Variants in MAGI1 observed in about 807,000 individuals in gnomAD.
MAGI1 encodes membrane associated guanylate kinase, WW and PDZ domain containing 1.
MAGI1 carries 58 observed loss-of-function variants against 139.9 expected under a neutral mutation model. The observed-to-expected ratio is 0.41, with a 90% CI of 0.34 to 0.52. MAGI1 has a LOEUF of 0.52. Among genes scored for constraint, MAGI1 ranks in the 20% least tolerant of loss-of-function variants. The pLI is 0.12. For missense variants in MAGI1, 1,874 were observed against 1,901.6 expected (o/e 0.99, Z 0.27); for synonymous variants, 812 against 737.9 (o/e 1.10, Z -1.63).
chr3:65,964,708 T>C (rs1403118383), intron 1 of MAGI1, among the ~76,000 whole-genome samples: 1 of 152,204 alleles, frequency 6.6e-6, no homozygotes, highest in Non-Finnish European at 1.5e-5. Context: ...GACAGATTTT[T>C]TGAGCAGCTG....
intron 5 of MAGI1, among the ~76,000 whole-genome samples, chr3:65,459,618 CT>C (rs1559572798): frequency 2.0e-5 from 3 of 152,140 alleles, no homozygotes; most frequent in African/African-American, 7.2e-5. Flanking sequence ...TTATCTTGAA[CT>C]ATAACCCTGG....
At chr3:65,857,352 G>T (rs1417157009) in intron 1 of MAGI1, among the ~76,000 whole-genome samples, 1 of 152,206 alleles carries the variant, frequency 6.6e-6, no homozygotes, top group Non-Finnish European at 1.5e-5. Flanking sequence ...CTTCACATTT[G>T]AAGAAGTTAA....
chr3:65,515,173 G>T (rs1406373555), intron 2 of MAGI1, among the ~76,000 whole-genome samples: 2 of 111,270 alleles, frequency 1.8e-5, no homozygotes, highest in East Asian at 3.3e-4. Context: ...GTGGGGGGAG[G>T]GGGGAGGGAT....
At chr3:65,503,690 T>C (rs2077171004) in intron 2 of MAGI1, among the ~76,000 whole-genome samples, 1 of 152,226 alleles carries the variant, frequency 6.6e-6, no homozygotes, top group South Asian at 2.1e-4. Flanking sequence ...AAACCACACC[T>C]ACAATACTTG....
intron 2 of MAGI1, among the ~76,000 whole-genome samples, chr3:65,494,610 C>A (rs775877125): frequency 6.6e-6 from 1 of 152,198 alleles, no homozygotes; most frequent in Non-Finnish European, 1.5e-5. Flanking sequence ...GGCATTATTA[C>A]CTGCGGTGGT....
chr3:65,580,701 A>T (rs1282868789), intron 2 of MAGI1, among the ~76,000 whole-genome samples: 1 of 152,208 alleles, frequency 6.6e-6, no homozygotes, highest in African/African-American at 2.4e-5. Context: ...GCAGATACCA[A>T]TCTTGGGCTA....
At chr3:65,959,035 T>G (rs2064278089) in intron 1 of MAGI1, among the ~76,000 whole-genome samples, 1 of 150,450 alleles carries the variant, frequency 6.6e-6, no homozygotes, top group African/African-American at 2.4e-5. Flanking sequence ...TTGTCCAGAG[T>G]AGAAAGAATT....
At position 65,359,144 on chromosome 3, in the gene MAGI1, G is replaced by C. The variant is rs770577938; in HGVS notation, c.3635-2012C>G. 6 of 1,613,586 alleles carry C rather than the reference G, an allele frequency of 3.7e-6. No homozygotes were observed. The South Asian group carries it at 4.4e-5, about 12-fold the overall frequency. ...CTCATACATGCAGCGATATTAGGAG[G>C]TATCATCGCTGTGGAAGGGAGGGCC... On this transcript the variant is annotated intron_variant, in intron 22 of 22. Coordinates refer to ENST00000402939, the MANE Select transcript of MAGI1 (RefSeq NM_001033057.2).
intron 1 of MAGI1, among the ~76,000 whole-genome samples, chr3:65,914,664 A>T (rs2061816990): frequency 6.6e-6 from 1 of 152,228 alleles, no homozygotes; most frequent in Admixed American, 6.5e-5. Flanking sequence ...TTTGAGCCTA[A>T]TGTTCGACAA....
rs181036134 is a variant in MAGI1 at position 66,008,110 on chromosome 3, T to G, written c.313+29886A>C. On this transcript the variant is annotated intron_variant, in intron 1 of 22. Transcript: ENST00000402939. ...TGGGGTTCCACCATGTTGGCCACGCTAGTCTTGAAATCCTGACTCCAGGTG... is the reference window on the plus strand; with the variant it reads ...TGGGGTTCCACCATGTTGGCCACGCGAGTCTTGAAATCCTGACTCCAGGTG... Among the ~76,000 whole-genome samples, 70 of 152,188 alleles carry G rather than the reference T, an allele frequency of 4.6e-4. 1 individual carries two copies. In the East Asian group the frequency reaches 0.011, roughly 24 times the overall value.
intron 1 of MAGI1, among the ~76,000 whole-genome samples, chr3:65,667,843 C>T (rs1183847496): frequency 6.6e-6 from 1 of 152,136 alleles, no homozygotes; most frequent in Admixed American, 6.5e-5. Flanking sequence ...GGATTACAGG[C>T]ATGACCCACC....
At position 65,828,978 on chromosome 3, in the gene MAGI1, G is replaced by C. The variant is rs567977194; in HGVS notation, c.314-206890C>G. 5.9e-5 allele frequency among the ~76,000 whole-genome samples: 9 copies of C among 152,190 alleles called. No homozygotes were observed. The East Asian group carries it at 1.4e-3, about 23-fold the overall frequency. On this transcript the variant is annotated intron_variant, in intron 1 of 22. Transcript: ENST00000402939. ...TCCGCTGACAGCCAGCAAGAAAAAG[G>C]GGATCTTGGTACCACAACCACAATG...
intron 1 of MAGI1, among the ~76,000 whole-genome samples, chr3:65,840,803 T>C (rs2058777531): frequency 1.3e-5 from 2 of 152,338 alleles, no homozygotes; most frequent in South Asian, 4.1e-4. Flanking sequence ...ACTAGCTTCA[T>C]AAAGTGAGTT....
At chr3:65,589,227 T>C (rs537077565) in intron 2 of MAGI1, among the ~76,000 whole-genome samples, 14 of 152,186 alleles carry the variant, frequency 9.2e-5, no homozygotes, top group Non-Finnish European at 1.6e-4. Context: ...AATAAGGTGC[T>C]TCTATATTTT....
chr3:65,831,338 A>G (rs541731798), intron 1 of MAGI1, among the ~76,000 whole-genome samples: 91 of 152,364 alleles, frequency 6.0e-4, no homozygotes, highest in Non-Finnish European at 1.0e-3. Flanking sequence ...GAATACAAGT[A>G]GCGTTACCTG....
chr3:65,920,684 T>C (rs1560014289), intron 1 of MAGI1, among the ~76,000 whole-genome samples: 1 of 152,204 alleles, frequency 6.6e-6, no homozygotes, highest in Non-Finnish European at 1.5e-5. Context: ...TAAGATTAAT[T>C]GAATTACCCT....
intron 2 of MAGI1, among the ~76,000 whole-genome samples, chr3:65,596,975 GC>G (rs1310180313): frequency 6.6e-6 from 1 of 152,124 alleles, no homozygotes; most frequent in East Asian, 1.9e-4. Context: ...GAGAATCGCA[GC>G]CCTTCCGTTT....
intron 1 of MAGI1, among the ~76,000 whole-genome samples, chr3:66,026,181 G>A (rs1176816163): frequency 6.6e-6 from 1 of 152,082 alleles, no homozygotes; most frequent in Non-Finnish European, 1.5e-5. Context: ...AATCCAGGTG[G>A]TAAAATACTA....
At chr3:66,015,232 T>C (rs1283438982) in intron 1 of MAGI1, among the ~76,000 whole-genome samples, 2 of 149,528 alleles carry the variant, frequency 1.3e-5, no homozygotes, top group African/African-American at 4.9e-5. Flanking sequence ...AAAGACATAA[T>C]ACACACGTAC....
Sources: gnomAD v4.1 joint callset for allele counts (sites outside exome capture counted in the v4.1 genomes callset) on GRCh38, gnomAD v4.1.1 for gene constraint, MANE v1.5 for transcripts, NCBI Gene and HGNC (gene_info 2026-07-23, HGNC 2026-07-21) for gene names.